Variants in CYP4X1 observed in about 807,000 individuals in gnomAD.
The protein encoded by CYP4X1 is cytochrome P450 4X1.
In CYP4X1, 44 loss-of-function variants were observed where a neutral mutation model predicts 57.9. The observed-to-expected ratio is 0.76, with a 90% CI of 0.60 to 0.98. The LOEUF is 0.98. CYP4X1 is among the 50% of genes least tolerant of loss of function. The pLI is 0.00. For synonymous variants in CYP4X1, 227 were observed against 228.6 expected, an observed-to-expected ratio of 0.99 and a Z score of 0.06; for missense variants, 532 against 623.9, an observed-to-expected ratio of 0.85 and a Z score of 1.57.
chr1:46,968,630 G>A, the CYP4X1 span, among the ~76,000 whole-genome samples: 3 of 152,134 alleles, frequency 2.0e-5, no homozygotes, highest in Non-Finnish European at 4.4e-5. Context: ...TCCATGAACA[G>A]TCACAGTCCA....
At chr1:47,011,353 A>G in the CYP4X1 span, among the ~76,000 whole-genome samples, 56 of 152,352 alleles carry the variant, frequency 3.7e-4, 1 homozygote, top group Non-Finnish European at 4.4e-5. Flanking sequence ...CTGGCTAGCC[A>G]TATGTAGAAA....
chr1:47,030,052 C>T lies in CYP4X1; in HGVS notation c.240C>T (p.Phe80=). 2.5e-6 allele frequency: 4 copies of T among 1,614,128 alleles called. No homozygotes were observed. Among genetic ancestry groups the T allele is most frequent in the Non-Finnish European group, 3.4e-6 (4 of 1,180,008 alleles). ...TTATTGAAAAATACCCTCGTGCCTT[C>T]CCTTTCTGGATTGGGCCCTTTCAGG... The part of the protein sequence containing the change: ...EEIIEKYPRA[F]PFWIGPFQAF... The change falls in exon 2 of 12, where the codon TTC becomes TTT. Residue 80 remains phenylalanine, a synonymous_variant. Transcript: ENST00000371901.
At chr1:47,028,492 G>A (rs1644093283) in intron 1 of CYP4X1, among the ~76,000 whole-genome samples, 1 of 152,078 alleles carries the variant, frequency 6.6e-6, no homozygotes, top group Non-Finnish European at 1.5e-5. Flanking sequence ...GCTATTTGGG[G>A]GCACTATGCA....
chr1:47,036,074 C>T lies in CYP4X1; in HGVS notation c.678C>T (p.Arg226=), dbSNP rs778077983. The change falls in exon 6 of 12, where the codon CGC becomes CGT. Residue 226 remains arginine (R), a synonymous_variant. Coordinates refer to ENST00000371901, the MANE Select transcript of CYP4X1 (RefSeq NM_178033.2). ...AACTCAGCAAAATCATATTTCACCG[C>T]TTGTACAGTTTGTTGTATCACAGTG... ...IFELSKIIFH[R]LYSLLYHSDI... 2.5e-6 allele frequency: 4 copies of T among 1,613,792 alleles called. No individual in the cohort carries two copies. The highest frequency in any genetic ancestry group is 3.4e-6 in the Non-Finnish European group (4 of 1,179,818).
the CYP4X1 span, among the ~76,000 whole-genome samples, chr1:46,979,851 A>G: frequency 4.0e-4 from 61 of 152,326 alleles, no homozygotes; most frequent in African/African-American, 1.4e-3. Flanking sequence ...TTAATCCATC[A>G]CATAAACAGA....
intron 6 of CYP4X1, among the ~76,000 whole-genome samples, chr1:47,036,815 C>T (rs913614282): frequency 5.9e-5 from 9 of 152,134 alleles, no homozygotes; most frequent in Non-Finnish European, 1.2e-4. Context: ...TTTGTTGTTA[C>T]GATGAGTGGG....
At chr1:47,001,677 G>A in the CYP4X1 span, among the ~76,000 whole-genome samples, 1 of 152,196 alleles carries the variant, frequency 6.6e-6, no homozygotes. Flanking sequence ...TACTTCAGAA[G>A]TTTTTCTTCT....
At chr1:47,036,683 T>C (rs557192991) in intron 6 of CYP4X1, among the ~76,000 whole-genome samples, 1 of 152,120 alleles carries the variant, frequency 6.6e-6, no homozygotes, top group African/African-American at 2.4e-5. Context: ...AGAATACTTA[T>C]CAAGCAGTGA....
rs538607532 is a variant in CYP4X1, at chr1:47,036,801, T to A, written c.775+630T>A. ...GGAGATTAAAAAAGAACCTATCTCA[T>A]ACATTTGTTGTTACGATGAGTGGGT... On this transcript the variant is annotated intron_variant, in intron 6 of 11. Coordinates refer to ENST00000371901, the MANE Select transcript of CYP4X1 (RefSeq NM_178033.2). Among the ~76,000 whole-genome samples, 3 of 152,286 alleles carry A rather than the reference T, an allele frequency of 2.0e-5. No individual in the cohort carries two copies. The East Asian group carries it at 5.8e-4, about 29-fold the overall frequency.
the CYP4X1 span, among the ~76,000 whole-genome samples, chr1:46,987,056 T>C: frequency 6.6e-6 from 1 of 152,204 alleles, no homozygotes; most frequent in Non-Finnish European, 1.5e-5. Context: ...ATGGGCTAAA[T>C]GCCCAATCAA....
intron 6 of CYP4X1, among the ~76,000 whole-genome samples, chr1:47,037,719 G>A (rs1259284668): frequency 6.6e-6 from 1 of 152,032 alleles, no homozygotes; most frequent in Non-Finnish European, 1.5e-5. Flanking sequence ...AGGGCCCCCA[G>A]TTGAGAACCA....
intron 8 of CYP4X1, among the ~76,000 whole-genome samples, chr1:47,040,637 A>AT (rs1207149594): frequency 6.6e-6 from 1 of 152,042 alleles, no homozygotes; most frequent in Non-Finnish European, 1.5e-5. Flanking sequence ...TTTTTAATTT[A>AT]TTTTTTAACT....
At chr1:47,009,523 G>A in the CYP4X1 span, among the ~76,000 whole-genome samples, 8 of 151,988 alleles carry the variant, frequency 5.3e-5, no homozygotes, top group South Asian at 6.3e-4. Flanking sequence ...GAACAAACAC[G>A]TTCAAAAGCT....
chr1:46,962,973 T>C, the CYP4X1 span, among the ~76,000 whole-genome samples: 1 of 152,254 alleles, frequency 6.6e-6, no homozygotes, highest in Non-Finnish European at 1.5e-5. Context: ...TAGTTAGCTC[T>C]TCTTGTTGAA....
In CYP4X1 at chr1:47,023,779, G is replaced by GC; in HGVS notation, c.-35dup. 6.3e-7 allele frequency: 1 copy of GC among 1,593,570 alleles called. No individual in the cohort carries two copies. Among genetic ancestry groups the GC allele is most frequent in the Non-Finnish European group, 8.6e-7 (1 of 1,168,152 alleles). ...CGGGAGAAAGCCCACCCTCTCCCGCGCCCCAGGAAACCGCCGGCGTTCGGC... is the reference window on the plus strand; with the variant it reads ...CGGGAGAAAGCCCACCCTCTCCCGCGCCCCCAGGAAACCGCCGGCGTTCGGC... On this transcript the variant is annotated 5_prime_UTR_variant, in exon 1 of 12. Coordinates refer to ENST00000371901, the MANE Select transcript of CYP4X1 (RefSeq NM_178033.2).
chr1:47,048,455 A>C, intron 9 of CYP4X1, 110 bp from the exon 10 acceptor site: 2 of 1,154,968 alleles, frequency 1.7e-6, no homozygotes, highest in Non-Finnish European at 2.6e-6. Context: ...CAGGCAGAGC[A>C]TTGCCAGGAG....
intron 4 of CYP4X1, among the ~76,000 whole-genome samples, chr1:47,034,230 T>C (rs1410538314): frequency 6.6e-6 from 1 of 152,100 alleles, no homozygotes; most frequent in Non-Finnish European, 1.5e-5. Context: ...CCAGTGGCTA[T>C]AAAGGACCAA....
intron 3 of CYP4X1, among the ~76,000 whole-genome samples, chr1:47,032,515 T>C (rs1479707617): frequency 6.6e-6 from 1 of 152,236 alleles, no homozygotes; most frequent in African/African-American, 2.4e-5. Context: ...TCATGCATCA[T>C]GAGCCTGGAA....
chr1:47,037,713 C>T (rs1197326960), intron 6 of CYP4X1, among the ~76,000 whole-genome samples: 1 of 151,976 alleles, frequency 6.6e-6, no homozygotes, highest in Admixed American at 6.6e-5. Context: ...GTTCCCAGGG[C>T]CCCCAGTTGA....
Sources: allele counts gnomAD v4.1 joint callset (sites outside exome capture counted in the v4.1 genomes callset), GRCh38; gene constraint gnomAD v4.1.1; transcripts MANE v1.5; gene names NCBI Gene and HGNC (gene_info 2026-07-23, HGNC 2026-07-21).